Variants in C17orf114 observed in about 807,000 individuals in gnomAD.
C17orf114 encodes uncharacterized protein C17orf114.
chr17:4,802,560 G>A (rs1011716021), upstream of C17orf114, among the ~76,000 whole-genome samples: 2 of 152,198 alleles, frequency 1.3e-5, no homozygotes, highest in East Asian at 3.9e-4. Flanking sequence ...TCCCCATGGA[G>A]AAGCAGGAGG....
chr17:4,804,866 G>A (rs979402944), upstream of C17orf114, among the ~76,000 whole-genome samples: 1 of 152,040 alleles, frequency 6.6e-6, no homozygotes, highest in African/African-American at 2.4e-5. Context: ...TTACAGGTGT[G>A]AGCCACCGCG....
upstream of C17orf114, among the ~76,000 whole-genome samples, chr17:4,803,765 A>G (rs1219052622): frequency 2.0e-5 from 3 of 150,996 alleles, no homozygotes; most frequent in Non-Finnish European, 4.4e-5. Flanking sequence ...TCTGTTGTCC[A>G]GGCTGGATTA....
chr17:4,802,938 G>T (rs1027814397), upstream of C17orf114, among the ~76,000 whole-genome samples: 11 of 151,846 alleles, frequency 7.2e-5, no homozygotes, highest in African/African-American at 2.7e-4. Context: ...TTTTTTGGGG[G>T]ACAGAGTCTC....
upstream of C17orf114, among the ~76,000 whole-genome samples, chr17:4,802,570 G>A (rs1456367475): frequency 2.0e-5 from 3 of 152,178 alleles, no homozygotes; most frequent in Non-Finnish European, 2.9e-5. Flanking sequence ...GAAGCAGGAG[G>A]TGGTTGGGAG....
upstream of C17orf114, chr17:4,806,739 G>C (rs1466594919): frequency 6.6e-6 from 1 of 151,838 alleles, no homozygotes; most frequent in Non-Finnish European, 1.5e-5. Flanking sequence ...TCCGGGAGCG[G>C]GGCACCTACC....
At chr17:4,805,364 G>T (rs1169596731), upstream of C17orf114, among the ~76,000 whole-genome samples, 7 of 151,550 alleles carry the variant, frequency 4.6e-5, no homozygotes, top group South Asian at 1.2e-3. Context: ...GGAGGTTGCA[G>T]TGAGCCGAGA....
chr17:4,806,045 AAAG>A (rs1905762156), upstream of C17orf114, among the ~76,000 whole-genome samples: 1 of 152,260 alleles, frequency 6.6e-6, no homozygotes, highest in Non-Finnish European at 1.5e-5. Flanking sequence ...GCACTTTATA[AAAG>A]AAGACATACA....
upstream of C17orf114, chr17:4,806,775 C>G (rs972112864): frequency 9.9e-5 from 15 of 151,356 alleles, no homozygotes; most frequent in African/African-American, 2.7e-4. Context: ...GGAGGCGCGT[C>G]CCCCGGGCGC....
chr17:4,801,382 C>T (rs1905505110), exon 2 of C17orf114: 5 of 398,724 alleles, frequency 1.3e-5, no homozygotes, highest in East Asian at 3.6e-5. Context: ...CAGGCCCTGG[C>T]GAGGGTACCC....
At chr17:4,804,836 G>A (rs148856344), upstream of C17orf114, among the ~76,000 whole-genome samples, 408 of 149,754 alleles carry the variant, frequency 2.7e-3, no homozygotes, top group African/African-American at 9.3e-3. Flanking sequence ...TGCCCGCCTC[G>A]GCCTCCCAAA....
chr17:4,803,325 C>T (rs944016768), upstream of C17orf114, among the ~76,000 whole-genome samples: 10 of 151,092 alleles, frequency 6.6e-5, no homozygotes, highest in South Asian at 4.2e-4. Flanking sequence ...CCCAAGGTCA[C>T]GCAGGCAGTT....
chr17:4,803,576 C>G (rs528420422), upstream of C17orf114, among the ~76,000 whole-genome samples: 95 of 151,648 alleles, frequency 6.3e-4, no homozygotes, highest in African/African-American at 2.2e-3. Context: ...AGGCGCCCAC[C>G]ACCACACCCG....
At chr17:4,801,602 G>A (rs947054716) in intron 1 of C17orf114, 147 bp from the exon 2 acceptor site, 1 of 397,752 alleles carries the variant, frequency 2.5e-6, no homozygotes, top group Non-Finnish European at 4.4e-6. Flanking sequence ...GCAGGGGGAG[G>A]GAGAGGGGCT....
At chr17:4,806,820 G>A (rs1259529325), upstream of C17orf114, 1 of 150,174 alleles carries the variant, frequency 6.7e-6, no homozygotes, top group Non-Finnish European at 1.5e-5. Flanking sequence ...GGCCCGGGGC[G>A]GGCGCCGAGC....
At chr17:4,802,500 C>T (rs1286117224), upstream of C17orf114, among the ~76,000 whole-genome samples, 2 of 152,176 alleles carry the variant, frequency 1.3e-5, no homozygotes, top group East Asian at 3.9e-4. Flanking sequence ...GGGTACACTC[C>T]CATTCAGACA....
At chr17:4,803,010 G>T (rs935347084), upstream of C17orf114, among the ~76,000 whole-genome samples, 23 of 152,176 alleles carry the variant, frequency 1.5e-4, no homozygotes, top group African/African-American at 5.3e-4. Context: ...TCTGCCTCCT[G>T]GGTTGAAGTG....
upstream of C17orf114, among the ~76,000 whole-genome samples, chr17:4,805,748 G>A (rs1227094329): frequency 6.6e-6 from 1 of 152,082 alleles, no homozygotes. Context: ...TCAAGAGATC[G>A]AGACCATCCT....
chr17:4,806,113 C>T (rs910750237), upstream of C17orf114, among the ~76,000 whole-genome samples: 42 of 152,212 alleles, frequency 2.8e-4, no homozygotes, highest in African/African-American at 1.0e-3. Flanking sequence ...CAGACAAATG[C>T]AAATCAAATT....
chr17:4,801,866 G>A (rs541193645), intron 1 of C17orf114, among the ~76,000 whole-genome samples: 1 of 152,062 alleles, frequency 6.6e-6, no homozygotes, highest in Admixed American at 6.6e-5. Context: ...GAGTAGCTGG[G>A]ACTACAGGCG....
Sources: allele counts gnomAD v4.1 joint callset (sites outside exome capture counted in the v4.1 genomes callset), GRCh38; gene constraint gnomAD v4.1.1; transcripts MANE v1.5; gene names NCBI Gene and HGNC (gene_info 2026-07-23, HGNC 2026-07-21).